The following ACSM6 variants were observed in gnomAD, a reference collection of about 807,000 sequenced individuals.
The protein encoded by ACSM6 is acyl-CoA synthetase medium chain family member 6, also known as acyl-coenzyme A synthetase ACSM6, mitochondrial.
A neutral mutation model predicts 51.1 loss-of-function variants in ACSM6; 35 were observed. That is an observed-to-expected ratio of 0.69 (90% CI 0.52 to 0.91). ACSM6 has a LOEUF of 0.91. Among genes scored for constraint, ACSM6 ranks in the 40% least tolerant of loss-of-function variants. ACSM6 has a pLI of 0.00. For missense variants in ACSM6, 509 were observed against 584.1 expected (o/e 0.87, Z 1.32); for synonymous variants, 172 against 207.3 (o/e 0.83, Z 1.46).
chr10:95,210,046 G>T (rs1345615538), intron 4 of ACSM6, among the ~76,000 whole-genome samples: 2 of 152,092 alleles, frequency 1.3e-5, no homozygotes, highest in African/African-American at 4.8e-5. Flanking sequence ...TGGAAGTGTT[G>T]TTGTCCTGTC....
intron 9 of ACSM6, 106 bp from the exon 10 acceptor site, chr10:95,225,184 G>A (rs919399832): frequency 1.2e-6 from 1 of 807,488 alleles, no homozygotes; most frequent in South Asian, 1.7e-5. Flanking sequence ...CACTTTCCTG[G>A]CATCTTAAAT....
chr10:95,195,546 C>A (rs955488391), intron 2 of ACSM6, among the ~76,000 whole-genome samples: 1 of 152,156 alleles, frequency 6.6e-6, no homozygotes, highest in Non-Finnish European at 1.5e-5. Flanking sequence ...AACTCTGGAG[C>A]AAGTCATTTT....
At chr10:95,224,223 A>G (rs961683510) in intron 9 of ACSM6, among the ~76,000 whole-genome samples, 2 of 152,212 alleles carry the variant, frequency 1.3e-5, no homozygotes, top group African/African-American at 2.4e-5. Flanking sequence ...TTTCCATAGA[A>G]AAGTTTCCAA....
intron 2 of ACSM6, among the ~76,000 whole-genome samples, chr10:95,195,684 C>A (rs1358616617): frequency 6.6e-6 from 1 of 152,172 alleles, no homozygotes; most frequent in Non-Finnish European, 1.5e-5. Context: ...CCCCTCTATT[C>A]TCCTCCCCTC....
chr10:95,219,065 T>C (rs2034969801), intron 8 of ACSM6, among the ~76,000 whole-genome samples: 1 of 152,174 alleles, frequency 6.6e-6, no homozygotes, highest in African/African-American at 2.4e-5. Flanking sequence ...AAATAAAATT[T>C]TCTCCATCCC....
intron 4 of ACSM6, 51 bp downstream of exon 4, chr10:95,207,466 T>G: frequency 6.4e-7 from 1 of 1,557,534 alleles, no homozygotes; most frequent in Non-Finnish European, 8.8e-7. Context: ...TGTTTGACTT[T>G]GAAAGATGAT....
At chr10:95,213,053 T>C (rs1418229416) in intron 7 of ACSM6, 113 bp downstream of exon 7, 1 of 825,278 alleles carries the variant, frequency 1.2e-6, no homozygotes, top group Non-Finnish European at 2.0e-6. Flanking sequence ...GTAACACACT[T>C]GTCTTGTTGC....
chr10:95,222,548 G>A (rs767423112), intron 9 of ACSM6, among the ~76,000 whole-genome samples: 5 of 151,948 alleles, frequency 3.3e-5, no homozygotes, highest in African/African-American at 7.2e-5. Context: ...ACTTGAACGC[G>A]GGAGGTGCAG....
intron 9 of ACSM6, among the ~76,000 whole-genome samples, chr10:95,223,910 C>T (rs985129548): frequency 1.3e-5 from 2 of 152,132 alleles, no homozygotes; most frequent in Non-Finnish European, 2.9e-5. Flanking sequence ...CTAAGGAATA[C>T]ACACACACTA....
intron 10 of ACSM6, among the ~76,000 whole-genome samples, chr10:95,226,610 G>A (rs887403011): frequency 1.3e-5 from 2 of 152,094 alleles, no homozygotes; most frequent in Admixed American, 1.3e-4. Flanking sequence ...GGTGCAGAAC[G>A]GTGATTTTCA....
Position 95,218,132 on chromosome 10 carries a change from A to T in ACSM6, c.1120-1759A>T, listed in dbSNP as rs111691143. ...TTTATCTTTCTTTTTATGAAATACA[A>T]ATATAACTGACACTCAGAACATCTG... On this transcript the variant is annotated intron_variant, in intron 8 of 10. Transcript: ENST00000341686. 8.1e-3 allele frequency among the ~76,000 whole-genome samples: 1,229 copies of T among 152,348 alleles called. 26 individuals are homozygous for T. The highest frequency in any genetic ancestry group is 0.028 in the African/African-American group (1,176 of 41,562).
chr10:95,224,763 G>A (rs1482463627), intron 9 of ACSM6, among the ~76,000 whole-genome samples: 1 of 152,086 alleles, frequency 6.6e-6, no homozygotes. Flanking sequence ...TTCTTAATAG[G>A]AAAAAATAAC....
exon 4 of ACSM6, chr10:95,207,309 G>A: frequency 1.2e-6 from 2 of 1,614,078 alleles, no homozygotes; most frequent in Non-Finnish European, 8.5e-7. Context: ...TGAAGCTATG[G>A]CCCCAGTTGT....
chr10:95,213,391 T>TAAA (rs2034914094), intron 7 of ACSM6, among the ~76,000 whole-genome samples: 2 of 152,196 alleles, frequency 1.3e-5, no homozygotes, highest in Admixed American at 6.5e-5. Flanking sequence ...TAGGCCTTTT[T>TAAA]AAAACAAATT....
chr10:95,202,364 C>T (rs2034803034), intron 3 of ACSM6, among the ~76,000 whole-genome samples, 169 bp downstream of exon 3: 2 of 152,220 alleles, frequency 1.3e-5, no homozygotes, highest in South Asian at 4.1e-4. Context: ...CACCACTTAC[C>T]ACCTCTGTAA....
Position 95,194,588 on chromosome 10 carries a change from C to T in ACSM6, c.103C>T (p.Pro35Ser), listed in dbSNP as rs1307585193. 3 of 1,551,692 alleles carry T rather than the reference C, an allele frequency of 1.9e-6. No homozygotes were observed. The highest frequency in any genetic ancestry group is 2.0e-5 in the Admixed American group (1 of 50,986). Reference sequence around the variant, plus strand: ...AAAATGTGCTACTCAGACCATCAGACCCCCTGACTCCAGGTGCCTAGTCCA... The same window carrying T: ...AAAATGTGCTACTCAGACCATCAGATCCCCTGACTCCAGGTGCCTAGTCCA... The change falls in exon 2 of 11, where the codon CCC (proline) becomes TCC (serine). Residue 35 changes from proline to serine, a missense_variant. Coordinates refer to ENST00000341686, the Ensembl canonical transcript of ACSM6.
intron 8 of ACSM6, 149 bp from the exon 9 acceptor site, chr10:95,219,742 C>T: frequency 1.7e-6 from 1 of 575,064 alleles, no homozygotes; most frequent in Non-Finnish European, 3.0e-6. Context: ...AGTCACACTC[C>T]TGCTTGATTT....
chr10:95,219,379 G>T (rs778812678), intron 8 of ACSM6, among the ~76,000 whole-genome samples: 4 of 143,904 alleles, frequency 2.8e-5, no homozygotes, highest in African/African-American at 7.9e-5. Context: ...TAAAAAAAAG[G>T]CACTAAAAAA....
At chr10:95,227,888 C>T (rs2035055673) in intron 10 of ACSM6, among the ~76,000 whole-genome samples, 1 of 152,046 alleles carries the variant, frequency 6.6e-6, no homozygotes, top group African/African-American at 2.4e-5. Flanking sequence ...GCCAACATGG[C>T]AAAACCCCAT....
Sources: gnomAD v4.1 joint callset for allele counts (sites outside exome capture counted in the v4.1 genomes callset) on GRCh38, gnomAD v4.1.1 for gene constraint, MANE v1.5 for transcripts, NCBI Gene and HGNC (gene_info 2026-07-23, HGNC 2026-07-21) for gene names.